Variants in ANXA4 observed in about 807,000 individuals in gnomAD.
The protein encoded by ANXA4 is annexin A4.
In ANXA4, 39 loss-of-function variants were observed where a neutral mutation model predicts 49.8. That is an observed-to-expected ratio of 0.78 (90% CI 0.61 to 1.02). The LOEUF (loss-of-function observed/expected upper bound fraction) is 1.02, where lower values mean the gene tolerates loss of function less well. ANXA4 is among the 50% of genes least tolerant of loss of function. The pLI, the probability that ANXA4 is intolerant of heterozygous loss-of-function variation, is 0.00. For synonymous variants in ANXA4, 134 were observed against 152.5 expected, an observed-to-expected ratio of 0.88 and a Z score of 0.89; for missense variants, 360 against 410.1, an observed-to-expected ratio of 0.88 and a Z score of 1.05.
intron 2 of ANXA4, among the ~76,000 whole-genome samples, chr2:69,784,687 C>T (rs1672341757): frequency 6.6e-6 from 1 of 152,220 alleles, no homozygotes; most frequent in South Asian, 2.1e-4. Flanking sequence ...CCTCACAGTT[C>T]TGGAGGCCAG....
chr2:69,790,519 G>T (rs990263604), intron 3 of ANXA4, among the ~76,000 whole-genome samples: 6 of 152,068 alleles, frequency 3.9e-5, no homozygotes, highest in African/African-American at 1.4e-4. Flanking sequence ...TTATTAATGG[G>T]GGCACTATAG....
At position 69,692,038 on chromosome 2, in the gene ANXA4, A is replaced by G. The variant is rs374745096; in HGVS notation, n.767-28736A>G. Among the ~76,000 whole-genome samples the G allele has an allele frequency of 1.7e-3, 258 of 152,296 alleles. 1 individual carries two copies. Among genetic ancestry groups the G allele is most frequent in the African/African-American group, 5.8e-3 (239 of 41,560 alleles). On this transcript the variant is annotated intron_variant and non_coding_transcript_variant, in intron 2 of 3. Transcript: ENST00000418066. ...GTAGCTGGGATTACAGGCACTTGCC[A>G]TCATACCTGGCTAATTTTTGTATTT...
upstream of ANXA4, among the ~76,000 whole-genome samples, chr2:69,737,047 C>T (rs187075792): frequency 3.5e-4 from 40 of 114,540 alleles, no homozygotes; most frequent in Admixed American, 8.3e-4. Flanking sequence ...AAGTGATCCA[C>T]TCACCTTGGC....
At chr2:69,787,809 G>A (rs757809992) in intron 2 of ANXA4, among the ~76,000 whole-genome samples, 8 of 152,320 alleles carry the variant, frequency 5.3e-5, no homozygotes, top group Admixed American at 2.0e-4. Flanking sequence ...CTGCTTCACA[G>A]CAATGCTCAC....
chr2:69,805,565 CA>C (rs1329129810), intron 4 of ANXA4, among the ~76,000 whole-genome samples: 1 of 150,494 alleles, frequency 6.6e-6, no homozygotes, highest in Non-Finnish European at 1.5e-5. Context: ...AAGATCGTGC[CA>C]CTGCGCTCCA....
At chr2:69,821,515 G>A (rs1674242324) in intron 12 of ANXA4, among the ~76,000 whole-genome samples, 1 of 152,054 alleles carries the variant, frequency 6.6e-6, no homozygotes, top group African/African-American at 2.4e-5. Flanking sequence ...TGTCGCCCAG[G>A]CTGGAGTGTA....
intron 1 of ANXA4, among the ~76,000 whole-genome samples, chr2:69,761,952 C>A: frequency 6.6e-6 from 1 of 152,026 alleles, no homozygotes; most frequent in Non-Finnish European, 1.5e-5. Flanking sequence ...TCTGTTGGCA[C>A]CAACTAGATT....
At chr2:69,683,078 A>G (rs548113886) in intron 2 of ANXA4, among the ~76,000 whole-genome samples, 1 of 152,244 alleles carries the variant, frequency 6.6e-6, no homozygotes, top group Non-Finnish European at 1.5e-5. Flanking sequence ...GTTTATACAC[A>G]CAGAGAGACA....
chr2:69,822,131 C>A (rs1427996418), intron 12 of ANXA4, among the ~76,000 whole-genome samples: 1 of 152,082 alleles, frequency 6.6e-6, no homozygotes, highest in Non-Finnish European at 1.5e-5. Context: ...GAGGCCGAGA[C>A]AGGTGGATCA....
intron 3 of ANXA4, among the ~76,000 whole-genome samples, chr2:69,728,760 GTGTCATAT>G (rs1670025608): frequency 6.6e-6 from 1 of 152,152 alleles, no homozygotes; most frequent in South Asian, 2.1e-4. Flanking sequence ...CTGACTTTAA[GTGTCATAT>G]TGTTGAGTCT....
intron 3 of ANXA4, among the ~76,000 whole-genome samples, chr2:69,792,411 C>T (rs1672731496): frequency 6.6e-6 from 1 of 152,052 alleles, no homozygotes; most frequent in African/African-American, 2.4e-5. Flanking sequence ...TAATTTTAAC[C>T]AGTTTGACCA....
rs200789068 is a variant in ANXA4, at chr2:69,823,380, GA to G, written c.907-2069del. 5.6e-3 allele frequency among the ~76,000 whole-genome samples: 845 copies of G among 150,968 alleles called. 12 individuals carry two copies. Among genetic ancestry groups the G allele is most frequent in the African/African-American group, 0.019 (805 of 41,310 alleles). On this transcript the variant is annotated intron_variant, in intron 12 of 12. Transcript: ENST00000394295. The stretch of plus-strand genomic sequence containing the variant: ...AGAAGCATAAAATATGTAAATAATA[GA>G]AAAAAATGACAAAAGATAAAAATAA...
intron 2 of ANXA4, among the ~76,000 whole-genome samples, chr2:69,711,851 T>A (rs1374380289): frequency 1.3e-5 from 2 of 151,458 alleles, no homozygotes; most frequent in Admixed American, 1.3e-4. Flanking sequence ...TTTGGAAGTG[T>A]TAAGGAGGTT....
At chr2:69,708,527 G>T (rs1313990438) in intron 2 of ANXA4, among the ~76,000 whole-genome samples, 1 of 143,568 alleles carries the variant, frequency 7.0e-6, no homozygotes, top group African/African-American at 3.0e-5. Context: ...CCTGGGAGAA[G>T]AAAGAAAGAG....
intron 1 of ANXA4, among the ~76,000 whole-genome samples, chr2:69,750,912 C>A (rs1026749988): frequency 6.6e-6 from 1 of 152,144 alleles, no homozygotes. Context: ...GGAGCCTGGA[C>A]CCCTATCTTC....
intron 2 of ANXA4, among the ~76,000 whole-genome samples, chr2:69,657,366 ACT>A: frequency 6.6e-6 from 1 of 151,850 alleles, no homozygotes; most frequent in African/African-American, 2.4e-5. Context: ...TTTCATCACA[ACT>A]CTAAATAATT....
rs150844807 is a variant in ANXA4, at chr2:69,805,909, C to T, written c.193-476C>T. Among the ~76,000 whole-genome samples the T allele has an allele frequency of 7.5e-3, 1,144 of 152,184 alleles. 19 individuals carry two copies. The highest frequency in any genetic ancestry group is 0.026 in the African/African-American group (1,062 of 41,506). ...AAAATAATAAGTATATTGTATGTTA[C>T]TGTAAATAACATTTTAATGAAAAAT... On this transcript the variant is annotated intron_variant, in intron 4 of 12. Coordinates refer to ENST00000394295, the MANE Select transcript of ANXA4 (RefSeq NM_001153.5).
At chr2:69,825,066 C>CAAAAA (rs10565929) in intron 12 of ANXA4, among the ~76,000 whole-genome samples, 1 of 52,876 alleles carries the variant, frequency 1.9e-5, no homozygotes, top group African/African-American at 6.3e-5. Flanking sequence ...GACTCTGTCT[C>CAAAAA]AAAAAAAAAA....
chr2:69,706,104 A>G (rs1357684213), intron 2 of ANXA4, among the ~76,000 whole-genome samples: 1 of 151,820 alleles, frequency 6.6e-6, no homozygotes, highest in African/African-American at 2.4e-5. Context: ...ATGATGCTGA[A>G]TTTTTATAAT....
Sources: allele counts gnomAD v4.1 joint callset (sites outside exome capture counted in the v4.1 genomes callset), GRCh38; gene constraint gnomAD v4.1.1; transcripts MANE v1.5; gene names NCBI Gene and HGNC (gene_info 2026-07-23, HGNC 2026-07-21).